Variants in PNLIPRP3 observed in about 807,000 individuals in gnomAD.
PNLIPRP3 encodes the protein pancreatic lipase-related protein 3.
In PNLIPRP3, 58 loss-of-function variants were observed where a neutral mutation model predicts 52.8. The observed-to-expected ratio is 1.10, with a 90% CI of 0.89 to 1.37. The LOEUF is 1.37. Among genes scored for constraint, PNLIPRP3 ranks in the 40% most tolerant of loss-of-function variants. The pLI is 0.00. For synonymous variants in PNLIPRP3, 192 were observed against 185.0 expected (o/e 1.04, Z -0.31); for missense variants, 593 against 561.6 (o/e 1.06, Z -0.57).
At chr10:116,433,114 CAAAAAAAAAAAAA>C (rs71010080) in intron 1 of PNLIPRP3, among the ~76,000 whole-genome samples, 13 of 8,500 alleles carry the variant, frequency 1.5e-3, no homozygotes, top group African/African-American at 2.1e-3. Context: ...AACTCCATCT[CAAAAAAAAAAAAA>C]AAAAAAAAAA....
At position 116,433,523 on chromosome 10, in the gene PNLIPRP3, G is replaced by T. The variant is rs572287767; in HGVS notation, c.50-3188G>T. ...TTTTCATTCTTGTAGGACATGTAAGGTTGTCATACTGGTGGTACTTACAGA... is the reference window on the plus strand; with the variant it reads ...TTTTCATTCTTGTAGGACATGTAAGTTTGTCATACTGGTGGTACTTACAGA... On this transcript the variant is annotated intron_variant, in intron 1 of 11. Transcript: ENST00000369230. Among the ~76,000 whole-genome samples, 7 of 152,250 alleles carry T rather than the reference G, an allele frequency of 4.6e-5. No individual in the cohort carries two copies. In the East Asian group the frequency reaches 7.7e-4, roughly 17 times the overall value.
At position 116,477,212 on chromosome 10, in the gene PNLIPRP3, T is replaced by C. The variant is rs930704785; in HGVS notation, c.*59T>C. 4.9e-6 allele frequency: 7 copies of C among 1,423,146 alleles called. No individual in the cohort carries two copies. The highest frequency in any genetic ancestry group is 6.8e-6 in the Non-Finnish European group (7 of 1,028,274). The allele number at this position is 1,423,146 out of a possible 1,614,324, so 88.2% of individuals were successfully genotyped here. A position where few individuals can be genotyped will look rare whatever the true frequency, so the allele number is the denominator to read the frequency against. On this transcript the variant is annotated 3_prime_UTR_variant, in exon 12 of 12. Coordinates refer to ENST00000369230, the MANE Select transcript of PNLIPRP3 (RefSeq NM_001011709.3). ...GGAGCAATGAAGAAAAGTGTCTCCT[T>C]CCACCTGGCATCCAGACCAAATTTG...
chr10:116,444,396 G>A lies in PNLIPRP3; in HGVS notation c.339G>A (p.Leu113=). 1 of 1,608,094 alleles carries A rather than the reference G, an allele frequency of 6.2e-7. No individual in the cohort carries two copies. Among genetic ancestry groups the A allele is most frequent in the Non-Finnish European group, 8.5e-7 (1 of 1,176,884 alleles). The change falls in exon 4 of 12, where the codon CTG becomes CTA. Residue 113 remains leucine (L), a synonymous_variant. Coordinates refer to ENST00000369230, the MANE Select transcript of PNLIPRP3 (RefSeq NM_001011709.3). The part of the protein sequence containing the change: ...QRDMCNVLLQ[L]EDINCINLDW... ...CTTTGTGCCAGGTGTTGCTACAGCT[G>A]GAAGATATAAATTGCATTAATTTAG...
At chr10:116,471,922 C>G in intron 10 of PNLIPRP3, 43 bp downstream of exon 10, 1 of 1,222,104 alleles carries the variant, frequency 8.2e-7, no homozygotes, top group South Asian at 1.3e-5. Context: ...GTGCTGGGGG[C>G]TCAGTAACAC....
At chr10:116,460,800 C>T (rs1846180448) in intron 5 of PNLIPRP3, among the ~76,000 whole-genome samples, 166 bp from the exon 6 acceptor site, 1 of 151,638 alleles carries the variant, frequency 6.6e-6, no homozygotes, top group Admixed American at 6.6e-5. Flanking sequence ...CTTGACATTG[C>T]AATATATAGA....
chr10:116,438,567 C>A (rs74158464), intron 2 of PNLIPRP3, among the ~76,000 whole-genome samples: 6,627 of 152,290 alleles, frequency 0.044, 488 homozygotes, highest in African/African-American at 0.15. Context: ...AAATAATGTT[C>A]TTCACACCTT....
chr10:116,460,477 C>T (rs1846175806), intron 5 of PNLIPRP3, among the ~76,000 whole-genome samples: 1 of 152,146 alleles, frequency 6.6e-6, no homozygotes, highest in South Asian at 2.1e-4. Context: ...ACTTCACTTC[C>T]CTGGGCTTCG....
At chr10:116,473,115 G>A (rs959037038) in intron 10 of PNLIPRP3, among the ~76,000 whole-genome samples, 1 of 152,208 alleles carries the variant, frequency 6.6e-6, no homozygotes, top group Non-Finnish European at 1.5e-5. Flanking sequence ...CCACATCTCT[G>A]TTCTTTTGAT....
At chr10:116,452,919 T>A (rs1214319789) in intron 4 of PNLIPRP3, among the ~76,000 whole-genome samples, 1 of 151,844 alleles carries the variant, frequency 6.6e-6, no homozygotes, top group African/African-American at 2.4e-5. Context: ...CCACACAGAG[T>A]CCCCACTGGG....
intron 8 of PNLIPRP3, 35 bp downstream of exon 8, chr10:116,466,203 A>C (rs759691734): frequency 1.3e-6 from 2 of 1,493,252 alleles, no homozygotes; most frequent in African/African-American, 1.4e-5. Flanking sequence ...TTTAATTATA[A>C]AGTAATTTTT....
At chr10:116,457,395 C>G (rs1433055203) in intron 5 of PNLIPRP3, among the ~76,000 whole-genome samples, 1 of 152,176 alleles carries the variant, frequency 6.6e-6, no homozygotes. Flanking sequence ...CATACATGCA[C>G]ACTTTAAATT....
intron 10 of PNLIPRP3, among the ~76,000 whole-genome samples, chr10:116,472,494 A>G (rs1350646944): frequency 1.3e-5 from 2 of 152,206 alleles, no homozygotes; most frequent in Non-Finnish European, 2.9e-5. Flanking sequence ...CCTACTAATT[A>G]GATGCAACCT....
At chr10:116,439,268 A>C (rs557368880) in intron 2 of PNLIPRP3, among the ~76,000 whole-genome samples, 2 of 152,344 alleles carry the variant, frequency 1.3e-5, no homozygotes, top group African/African-American at 4.8e-5. Flanking sequence ...AGGGTGCTCC[A>C]GACACCCGTG....
intron 7 of PNLIPRP3, among the ~76,000 whole-genome samples, chr10:116,461,739 T>C (rs192718789): frequency 2.6e-5 from 4 of 152,264 alleles, no homozygotes; most frequent in Admixed American, 2.0e-4. Context: ...ATATGATGTG[T>C]TGGTGACAGT....
rs1846475609 is a variant in PNLIPRP3 at position 116,476,754 on chromosome 10, T to C, written c.1275T>C (p.Phe425=). The C allele has an allele frequency of 6.2e-7, 1 of 1,610,678 alleles. No individual in the cohort carries two copies. Among genetic ancestry groups the C allele is most frequent in the East Asian group, 2.2e-5 (1 of 44,748 alleles). ...SVQFIWKKHL[F]EDSQNKLGAE... is the part of the protein sequence containing the mutation. The stretch of plus-strand genomic sequence containing the variant: ...AGTTCATCTGGAAAAAACATTTGTT[T>C]GAAGATTCTCAGAATAAGTTGGGAG... The change falls in exon 11 of 12, where the codon TTT becomes TTC. Residue 425 remains phenylalanine, a synonymous_variant. Coordinates refer to ENST00000369230, the MANE Select transcript of PNLIPRP3 (RefSeq NM_001011709.3).
intron 8 of PNLIPRP3, 78 bp from the exon 9 acceptor site, chr10:116,469,107 T>A: frequency 7.9e-7 from 1 of 1,267,722 alleles, no homozygotes; most frequent in Non-Finnish European, 1.1e-6. Context: ...TTATTATTAT[T>A]TAATAATATA....
At chr10:116,460,507 T>C (rs1846176059) in intron 5 of PNLIPRP3, among the ~76,000 whole-genome samples, 1 of 152,228 alleles carries the variant, frequency 6.6e-6, no homozygotes. Flanking sequence ...TTTGTATTAC[T>C]ATTAATGAAA....
At chr10:116,444,652 C>A in intron 4 of PNLIPRP3, 139 bp downstream of exon 4, 2 of 868,264 alleles carry the variant, frequency 2.3e-6, no homozygotes, top group East Asian at 2.6e-5. Flanking sequence ...TTGTATATGG[C>A]AGACAAAAAA....
chr10:116,444,155 G>T lies in PNLIPRP3; in HGVS notation c.325-227G>T, dbSNP rs183603036. 2.0e-3 allele frequency among the ~76,000 whole-genome samples: 310 copies of T among 151,962 alleles called. 3 individuals are homozygous for T. The highest frequency in any genetic ancestry group is 0.014 in the South Asian group (65 of 4,804). The stretch of plus-strand genomic sequence containing the variant: ...AACTCACTATCACGAAAACGGCACG[G>T]GGGAAACCACCCCCATGAATCAATT... On this transcript the variant is annotated intron_variant, in intron 3 of 11. Coordinates refer to ENST00000369230, the MANE Select transcript of PNLIPRP3 (RefSeq NM_001011709.3).
Sources: gnomAD v4.1 joint callset for allele counts (sites outside exome capture counted in the v4.1 genomes callset) on GRCh38, gnomAD v4.1.1 for gene constraint, MANE v1.5 for transcripts, NCBI Gene and HGNC (gene_info 2026-07-23, HGNC 2026-07-21) for gene names.